The following DPP10 variants were observed in gnomAD, a reference collection of about 807,000 sequenced individuals.
DPP10 encodes dipeptidyl peptidase like 10, also known as inactive dipeptidyl peptidase 10.
DPP10 carries 33 observed loss-of-function variants against 120.9 expected under a neutral mutation model. The ratio of observed to expected loss-of-function variants is 0.27; its 90% CI spans 0.21 to 0.37. DPP10 has a LOEUF of 0.37. Ranked by LOEUF, DPP10 falls within the 10% of genes least tolerant of loss-of-function variation. DPP10 has a pLI of 1.00. For synonymous variants in DPP10, 337 were observed against 326.1 expected (o/e 1.03, Z -0.36); for missense variants, 816 against 942.8 (o/e 0.87, Z 1.76).
chr2:115,311,671 T>G (rs1269090198), intron 2 of DPP10, among the ~76,000 whole-genome samples: 1 of 152,136 alleles, frequency 6.6e-6, no homozygotes, highest in Non-Finnish European at 1.5e-5. Flanking sequence ...ATACAAACAT[T>G]TAGAAAATAC....
intron 1 of DPP10, among the ~76,000 whole-genome samples, chr2:114,452,600 T>C (rs949996385): frequency 6.6e-6 from 1 of 152,194 alleles, no homozygotes. Context: ...CATGGTCTTT[T>C]GAGATCTGGG....
At chr2:114,512,419 A>G (rs1033562206) in intron 1 of DPP10, among the ~76,000 whole-genome samples, 1 of 152,168 alleles carries the variant, frequency 6.6e-6, no homozygotes, top group Admixed American at 6.5e-5. Context: ...AAACTTGGTG[A>G]TATAGAAACT....
At chr2:114,962,916 A>T (rs1698753417) in intron 1 of DPP10, among the ~76,000 whole-genome samples, 1 of 152,216 alleles carries the variant, frequency 6.6e-6, no homozygotes, top group Non-Finnish European at 1.5e-5. Flanking sequence ...TCTTTAATGT[A>T]AGATTTATAT....
intron 1 of DPP10, among the ~76,000 whole-genome samples, chr2:114,823,676 C>T (rs1686289714): frequency 6.6e-6 from 1 of 152,118 alleles, no homozygotes; most frequent in Non-Finnish European, 1.5e-5. Context: ...AACACTTCTG[C>T]TCAGAGCATA....
chr2:114,940,704 G>A (rs1208193505), intron 1 of DPP10, among the ~76,000 whole-genome samples: 6 of 152,064 alleles, frequency 3.9e-5, no homozygotes, highest in Non-Finnish European at 7.4e-5. Context: ...GAAAAGAAAT[G>A]AAAACGTCAG....
chr2:114,966,672 A>G (rs1699056267), intron 1 of DPP10, among the ~76,000 whole-genome samples: 1 of 152,238 alleles, frequency 6.6e-6, no homozygotes, highest in Non-Finnish European at 1.5e-5. Flanking sequence ...ACAACAATGC[A>G]AAAGCCATTT....
rs372426372 is a variant in DPP10, at chr2:115,277,145, C to G, written c.61-32094C>G. On this transcript the variant is annotated intron_variant, in intron 1 of 25. Transcript: ENST00000410059. Reference sequence around the variant, plus strand: ...AAGATGTACATTATTAAAGAAATAACATTTCCATTGTTTTCCTTTCTCAGA... The same window carrying G: ...AAGATGTACATTATTAAAGAAATAAGATTTCCATTGTTTTCCTTTCTCAGA... 1.2e-3 allele frequency among the ~76,000 whole-genome samples: 177 copies of G among 152,168 alleles called. 9 individuals are homozygous for G. The South Asian group carries it at 0.036, about 31-fold the overall frequency.
intron 1 of DPP10, among the ~76,000 whole-genome samples, chr2:114,687,290 T>TC (rs1316547752): frequency 6.6e-6 from 1 of 151,956 alleles, no homozygotes; most frequent in African/African-American, 2.4e-5. Context: ...TAGGAAAGAC[T>TC]CCCTGGGGAC....
At chr2:114,823,660 G>T (rs965995781) in intron 1 of DPP10, among the ~76,000 whole-genome samples, 15 of 152,132 alleles carry the variant, frequency 9.9e-5, no homozygotes, top group Admixed American at 1.3e-4. Flanking sequence ...TGGTGAACTG[G>T]TATGTAACAC....
At chr2:114,871,484 C>T (rs1690687390) in intron 1 of DPP10, among the ~76,000 whole-genome samples, 3 of 152,168 alleles carry the variant, frequency 2.0e-5, no homozygotes, top group Admixed American at 6.5e-5. Context: ...GTGAACCAAC[C>T]TAATAAGAGT....
chr2:115,315,351 T>C (rs1559409025), intron 2 of DPP10, among the ~76,000 whole-genome samples: 1 of 152,060 alleles, frequency 6.6e-6, no homozygotes, highest in Non-Finnish European at 1.5e-5. Context: ...TTAAGGACTT[T>C]ATTGGACTGA....
Position 115,358,009 on chromosome 2 carries a change from T to C in DPP10, c.271+14097T>C, listed in dbSNP as rs117619963. Among the ~76,000 whole-genome samples, 50 of 152,140 alleles carry C rather than the reference T, an allele frequency of 3.3e-4. No individual in the cohort carries two copies. The East Asian group carries it at 8.7e-3, about 27-fold the overall frequency. ...GACCCGACCCAGGAAACCATTTTTTTCTCCTAGCCCTCTGTGCCTGCGATG... is the reference window on the plus strand; with the variant it reads ...GACCCGACCCAGGAAACCATTTTTTCCTCCTAGCCCTCTGTGCCTGCGATG... On this transcript the variant is annotated intron_variant, in intron 3 of 25. Coordinates refer to ENST00000410059, the MANE Select transcript of DPP10 (RefSeq NM_020868.6).
At chr2:115,419,003 T>TA (rs2069692585) in intron 3 of DPP10, among the ~76,000 whole-genome samples, 1 of 152,074 alleles carries the variant, frequency 6.6e-6, no homozygotes, top group African/African-American at 2.4e-5. Flanking sequence ...CTACAAACAA[T>TA]ATGAAGGGTA....
chr2:114,610,028 G>C (rs1383978726), intron 1 of DPP10, among the ~76,000 whole-genome samples: 1 of 152,156 alleles, frequency 6.6e-6, no homozygotes, highest in African/African-American at 2.4e-5. Context: ...GGCAATGTTC[G>C]TATCTGTTTC....
intron 1 of DPP10, among the ~76,000 whole-genome samples, chr2:115,271,903 G>T (rs1663511501): frequency 6.6e-6 from 1 of 152,120 alleles, no homozygotes; most frequent in African/African-American, 2.4e-5. Flanking sequence ...AGTTCCATTT[G>T]TGTTAAGAAA....
intron 1 of DPP10, among the ~76,000 whole-genome samples, chr2:114,790,015 A>G (rs2106233282): frequency 6.6e-6 from 1 of 152,380 alleles, no homozygotes; most frequent in East Asian, 1.9e-4. Flanking sequence ...TATTGTCAGC[A>G]TCTTTGTCCT....
chr2:114,522,329 G>A (rs1015732602), intron 1 of DPP10, among the ~76,000 whole-genome samples: 3 of 151,958 alleles, frequency 2.0e-5, no homozygotes, highest in Admixed American at 6.6e-5. Context: ...CAATGTAAAG[G>A]CTATATACTA....
intron 1 of DPP10, among the ~76,000 whole-genome samples, chr2:115,007,557 G>A (rs1176558862): frequency 6.7e-6 from 1 of 149,404 alleles, no homozygotes; most frequent in Non-Finnish European, 1.5e-5. Context: ...ATTCAACATA[G>A]TGTTGGAAGT....
chr2:115,737,950 G>A lies in DPP10; in HGVS notation c.698-1789G>A, dbSNP rs370491460. ...AGGAGTTCTAGTTCCCTAGGATAGC[G>A]GTTGCCTCTGTCAGCAAGAAGATTT... On this transcript the variant is annotated intron_variant, in intron 8 of 25. Coordinates refer to ENST00000410059, the MANE Select transcript of DPP10 (RefSeq NM_020868.6). Among the ~76,000 whole-genome samples, 21 of 152,164 alleles carry A rather than the reference G, an allele frequency of 1.4e-4. No individual in the cohort carries two copies. The South Asian group carries it at 3.5e-3, about 26-fold the overall frequency.
Sources: allele counts gnomAD v4.1 joint callset (sites outside exome capture counted in the v4.1 genomes callset), GRCh38; gene constraint gnomAD v4.1.1; transcripts MANE v1.5; gene names NCBI Gene and HGNC (gene_info 2026-07-23, HGNC 2026-07-21).